Variants in LDLRAP1 observed in about 807,000 individuals in gnomAD.
LDLRAP1 encodes the protein low density lipoprotein receptor adaptor protein 1, also known as low density lipoprotein receptor adapter protein 1.
Under a neutral mutation model 37.8 loss-of-function variants are expected in LDLRAP1, and 30 were observed. That is an observed-to-expected ratio of 0.79 (90% confidence interval 0.59 to 1.08). The LOEUF is 1.08. LDLRAP1 is among the 50% of genes least tolerant of loss of function. The pLI is 0.00. For synonymous variants in LDLRAP1, 156 were observed against 169.8 expected (o/e 0.92, Z 0.63); for missense variants, 375 against 401.6 (o/e 0.93, Z 0.57).
downstream of LDLRAP1, among the ~76,000 whole-genome samples, chr1:25,572,527 A>G (rs2044619172): frequency 6.6e-6 from 1 of 152,122 alleles, no homozygotes; most frequent in African/African-American, 2.4e-5. Context: ...AGATTCTAGA[A>G]TGTTAATGCT....
At chr1:25,589,615 T>C in the LDLRAP1 span, among the ~76,000 whole-genome samples, 1 of 151,980 alleles carries the variant, frequency 6.6e-6, no homozygotes, top group Non-Finnish European at 1.5e-5. Context: ...GGAGGAGGGG[T>C]AAATTCTCCC....
intron 1 of LDLRAP1, among the ~76,000 whole-genome samples, chr1:25,552,819 C>T (rs1474356153): frequency 6.6e-6 from 1 of 152,192 alleles, no homozygotes; most frequent in African/African-American, 2.4e-5. Context: ...TTTGCCCACC[C>T]AGTGAGGCAG....
At chr1:25,546,147 G>C (rs2043928677) in intron 1 of LDLRAP1, among the ~76,000 whole-genome samples, 1 of 152,190 alleles carries the variant, frequency 6.6e-6, no homozygotes, top group Admixed American at 6.5e-5. Context: ...GGGCCATGGG[G>C]TATGTGGGGG....
the LDLRAP1 span, among the ~76,000 whole-genome samples, chr1:25,588,311 G>A: frequency 1.1e-4 from 17 of 152,308 alleles, no homozygotes; most frequent in Admixed American, 1.1e-3. Context: ...AGGAAGGAAT[G>A]CCTCTTTGCA....
chr1:25,582,319 G>A, the LDLRAP1 span, among the ~76,000 whole-genome samples: 1 of 152,156 alleles, frequency 6.6e-6, no homozygotes, highest in Non-Finnish European at 1.5e-5. Context: ...GGGCGTGGTG[G>A]CTCACGCCTG....
chr1:25,563,080 G>A lies in LDLRAP1; in HGVS notation c.543G>A (p.Lys181=), dbSNP rs762968566. Residue 181 remains lysine (K), a synonymous_variant, in exon 6 of 9, where the codon AAG becomes AAA. Transcript: ENST00000374338. ...FWQVSKEEKE[K]RDKASQEGGD... Reference sequence around the variant, plus strand: ...GCCTTGGTCCTGCAGAGAAAGAGAAGAGGGACAAAGCCAGCCAAGAGGGAG... The same window carrying A: ...GCCTTGGTCCTGCAGAGAAAGAGAAAAGGGACAAAGCCAGCCAAGAGGGAG... 1.9e-6 allele frequency: 3 copies of A among 1,614,144 alleles called. No homozygotes were observed. Among genetic ancestry groups the A allele is most frequent in the South Asian group, 2.2e-5 (2 of 91,080 alleles).
At chr1:25,589,619 T>C in the LDLRAP1 span, among the ~76,000 whole-genome samples, 1 of 152,172 alleles carries the variant, frequency 6.6e-6, no homozygotes, top group East Asian at 1.9e-4. Context: ...GAGGGGTAAA[T>C]TCTCCCTCTC....
intron 1 of LDLRAP1, among the ~76,000 whole-genome samples, chr1:25,547,499 A>T (rs74507094): frequency 1.3e-5 from 2 of 150,466 alleles, no homozygotes; most frequent in East Asian, 3.9e-4. Context: ...TAAATAAATA[A>T]ATAAATAAAT....
intron 3 of LDLRAP1, 25 bp from the exon 4 acceptor site, chr1:25,557,128 G>T (rs1470462258): frequency 4.4e-6 from 7 of 1,579,504 alleles, no homozygotes; most frequent in South Asian, 2.2e-5. Flanking sequence ...GCCAGGTCTG[G>T]TGATGCTTCC....
chr1:25,553,875 T>G, intron 1 of LDLRAP1, 47 bp from the exon 2 acceptor site: 1 of 1,605,158 alleles, frequency 6.2e-7, no homozygotes, highest in Non-Finnish European at 8.5e-7. Context: ...TTGCTGGTGG[T>G]GGGCCCTGAG....
chr1:25,584,636 G>A, the LDLRAP1 span, among the ~76,000 whole-genome samples: 2 of 152,142 alleles, frequency 1.3e-5, no homozygotes, highest in African/African-American at 4.8e-5. Context: ...GGGAAGAGGA[G>A]AGAAAATCCA....
chr1:25,586,817 T>G, the LDLRAP1 span, among the ~76,000 whole-genome samples: 332 of 152,278 alleles, frequency 2.2e-3, no homozygotes, highest in Middle Eastern at 0.027. The surrounding 1 kb of genome is among the most constrained non-coding windows in gnomAD (Gnocchi z 4.3). Context: ...CAGATGCAGA[T>G]TCACATCTCT....
chr1:25,581,200 C>T, the LDLRAP1 span, among the ~76,000 whole-genome samples: 3 of 152,154 alleles, frequency 2.0e-5, no homozygotes, highest in Admixed American at 6.5e-5. Flanking sequence ...GGCATTCTGT[C>T]GTGATGCTTG....
chr1:25,585,691 C>T, the LDLRAP1 span, among the ~76,000 whole-genome samples: 368 of 152,328 alleles, frequency 2.4e-3, no homozygotes, highest in African/African-American at 8.6e-3. Context: ...CTCTCCTGTG[C>T]TCCGACATCC....
Position 25,563,296 on chromosome 1 carries a change from A to C in LDLRAP1, c.616+143A>C, listed in dbSNP as rs2044391517. On this transcript the variant is annotated intron_variant, in intron 6 of 8. Transcript: ENST00000374338. ...TAAATAAATAATACACGTTCATTACAGATCAATTAGAAAATGTAGATAAGG... is the reference window on the plus strand; with the variant it reads ...TAAATAAATAATACACGTTCATTACCGATCAATTAGAAAATGTAGATAAGG... The C allele has an allele frequency of 7.6e-6, 5 of 655,960 alleles. No homozygotes were observed. The South Asian group carries it at 9.7e-5, about 13-fold the overall frequency. The allele number at this position is 655,960 out of a possible 1,614,324, so 40.6% of individuals were successfully genotyped here.
At chr1:25,565,621 G>T (rs528932206) in intron 8 of LDLRAP1, among the ~76,000 whole-genome samples, 37 of 151,794 alleles carry the variant, frequency 2.4e-4, no homozygotes, top group African/African-American at 5.6e-4. Flanking sequence ...AGTGTTTAAT[G>T]AAGCTCGTGA....
chr1:25,560,077 G>A (rs1296315186), intron 4 of LDLRAP1, among the ~76,000 whole-genome samples: 1 of 152,048 alleles, frequency 6.6e-6, no homozygotes, highest in Non-Finnish European at 1.5e-5. Flanking sequence ...AAGGGGGTGG[G>A]GTGGTGGGTG....
At chr1:25,585,449 C>CT in the LDLRAP1 span, among the ~76,000 whole-genome samples, 2 of 152,114 alleles carry the variant, frequency 1.3e-5, no homozygotes, top group African/African-American at 2.4e-5. Flanking sequence ...CCTCAGCCTC[C>CT]TGAGTAGCTG....
the LDLRAP1 span, among the ~76,000 whole-genome samples, chr1:25,588,297 A>T: frequency 2.6e-3 from 390 of 152,292 alleles, 2 homozygotes; most frequent in African/African-American, 8.9e-3. Context: ...AGGATTAGTA[A>T]AAGAGGAAGG....
Sources: gnomAD v4.1 joint callset for allele counts (sites outside exome capture counted in the v4.1 genomes callset) on GRCh38, gnomAD v4.1.1 for gene constraint, Gnocchi (gnomAD v3.1) non-coding constraint, MANE v1.5 for transcripts, NCBI Gene and HGNC (gene_info 2026-07-23, HGNC 2026-07-21) for gene names.